The following APPBP2 variants were observed in gnomAD, a reference collection of about 807,000 sequenced individuals.
APPBP2 encodes amyloid protein-binding protein 2.
A neutral mutation model predicts 76.0 loss-of-function variants in APPBP2; 15 were observed. The ratio of observed to expected loss-of-function variants is 0.20; its 90% CI spans 0.13 to 0.30. APPBP2 has a LOEUF of 0.30. APPBP2 is among the 10% of genes least tolerant of loss of function. The pLI, the probability that APPBP2 is intolerant of heterozygous loss-of-function variation, is 1.00. For synonymous variants in APPBP2, 222 were observed against 242.2 expected (o/e 0.92, Z 0.77); for missense variants, 401 against 687.2 (o/e 0.58, Z 4.66).
At chr17:60,480,464 A>G (rs2090620439) in intron 3 of APPBP2, among the ~76,000 whole-genome samples, 1 of 152,210 alleles carries the variant, frequency 6.6e-6, no homozygotes, top group Admixed American at 6.5e-5. Context: ...TTGGCACACA[A>G]AAAATATGGT....
Position 60,446,571 on chromosome 17 carries a change from A to T in APPBP2, c.*1010T>A, listed in dbSNP as rs2090348681. 1 of 152,194 alleles carries T rather than the reference A, an allele frequency of 6.6e-6. No individual in the cohort carries two copies. The highest frequency in any genetic ancestry group is 2.4e-5 in the African/African-American group (1 of 41,454). The allele number at this position is 152,194 out of a possible 1,614,324, so 9.4% of individuals were successfully genotyped here. A position where few individuals can be genotyped will look rare whatever the true frequency, so the allele number is the denominator to read the frequency against. On this transcript the variant is annotated 3_prime_UTR_variant, in exon 13 of 13. Transcript: ENST00000083182. ...AACTATTTCATGACACACAGCCAATATACTTGTTAACTGCATTGATTATTA... is the reference window on the plus strand; with the variant it reads ...AACTATTTCATGACACACAGCCAATTTACTTGTTAACTGCATTGATTATTA...
chr17:60,449,754 A>C (rs1207735199), intron 12 of APPBP2, among the ~76,000 whole-genome samples: 1 of 152,074 alleles, frequency 6.6e-6, no homozygotes, highest in Non-Finnish European at 1.5e-5. Context: ...CCTGAAGATA[A>C]TTTTCTAGAA....
chr17:60,524,381 G>A (rs1788382613), intron 1 of APPBP2, among the ~76,000 whole-genome samples: 1 of 152,038 alleles, frequency 6.6e-6, no homozygotes. Flanking sequence ...TCCTTCCTGG[G>A]GAGGAATGTA....
chr17:60,521,952 T>C (rs1441476168), intron 1 of APPBP2, among the ~76,000 whole-genome samples: 2 of 152,184 alleles, frequency 1.3e-5, no homozygotes, highest in African/African-American at 2.4e-5. Flanking sequence ...TAAAGTAACA[T>C]GCTATATGAG....
At chr17:60,484,759 A>G (rs1355855468) in intron 3 of APPBP2, among the ~76,000 whole-genome samples, 1 of 152,126 alleles carries the variant, frequency 6.6e-6, no homozygotes, top group African/African-American at 2.4e-5. Context: ...TTCCAACACT[A>G]TGTTGAATAG....
chr17:60,519,664 T>TA (rs1266808095), intron 1 of APPBP2, among the ~76,000 whole-genome samples: 1 of 151,576 alleles, frequency 6.6e-6, no homozygotes, highest in Non-Finnish European at 1.5e-5. Flanking sequence ...ACTTGTCTCT[T>TA]AAAAAAGAAA....
intron 11 of APPBP2, 49 bp from the exon 12 acceptor site, chr17:60,452,094 A>C (rs1444775897): frequency 5.7e-6 from 9 of 1,577,078 alleles, no homozygotes; most frequent in Non-Finnish European, 6.9e-6. Context: ...TCTCATCTTA[A>C]CAGTTCTTAC....
intron 1 of APPBP2, among the ~76,000 whole-genome samples, chr17:60,513,985 T>A: frequency 7.0e-6 from 1 of 143,528 alleles, no homozygotes. Flanking sequence ...CATATACATA[T>A]TTTCCCCACA....
chr17:60,518,631 G>A (rs1395620129), intron 1 of APPBP2, among the ~76,000 whole-genome samples: 3 of 152,024 alleles, frequency 2.0e-5, no homozygotes, highest in African/African-American at 7.2e-5. Context: ...ATCCTCCTGA[G>A]TAGCTGGGAC....
intron 1 of APPBP2, among the ~76,000 whole-genome samples, chr17:60,507,919 C>G (rs2090881563): frequency 6.6e-6 from 1 of 151,964 alleles, no homozygotes; most frequent in South Asian, 2.1e-4. Context: ...TCCCAAGTAG[C>G]TACAACTAAA....
chr17:60,502,759 G>GA (rs1491096523), intron 1 of APPBP2, among the ~76,000 whole-genome samples: 1 of 145,856 alleles, frequency 6.9e-6, no homozygotes, highest in Non-Finnish European at 1.5e-5. Context: ...GGGAGGCTGG[G>GA]AGAGAATCGC....
chr17:60,466,231 T>C (rs966400629), intron 5 of APPBP2, 60 bp downstream of exon 5: 1 of 1,468,410 alleles, frequency 6.8e-7, no homozygotes, highest in African/African-American at 1.4e-5. Context: ...ACTATTTGAT[T>C]TACCCTCTGT....
chr17:60,518,358 CGTGTGTGTGTGTGTGTGTGT>C (rs59428194), intron 1 of APPBP2, among the ~76,000 whole-genome samples: 4 of 89,098 alleles, frequency 4.5e-5, no homozygotes, highest in Admixed American at 2.3e-4. Flanking sequence ...TGTGTGCGTG[CGTGTGTGTGTGTGTGTGTGT>C]GTGTGTGTGT....
chr17:60,518,271 T>C (rs1488353416), intron 1 of APPBP2, among the ~76,000 whole-genome samples: 1 of 152,088 alleles, frequency 6.6e-6, no homozygotes, highest in Non-Finnish European at 1.5e-5. Flanking sequence ...AGTCTTGAAC[T>C]CTTAGGCTTA....
chr17:60,481,042 C>G (rs569173763), intron 3 of APPBP2, among the ~76,000 whole-genome samples: 1 of 152,338 alleles, frequency 6.6e-6, no homozygotes, highest in Non-Finnish European at 1.5e-5. Context: ...CAATAGCCAT[C>G]CAGGTTGCTC....
At chr17:60,497,646 C>CA (rs2090787477) in intron 2 of APPBP2, among the ~76,000 whole-genome samples, 1 of 151,890 alleles carries the variant, frequency 6.6e-6, no homozygotes, top group Admixed American at 6.6e-5. Context: ...TATGTACCCC[C>CA]AAAAACTTAA....
intron 1 of APPBP2, among the ~76,000 whole-genome samples, chr17:60,510,893 C>A (rs1406741442): frequency 6.6e-6 from 1 of 152,142 alleles, no homozygotes; most frequent in Non-Finnish European, 1.5e-5. Flanking sequence ...CTTAAATATG[C>A]TGTCCATTTA....
chr17:60,451,428 C>T (rs191160887), intron 12 of APPBP2, among the ~76,000 whole-genome samples: 30 of 152,044 alleles, frequency 2.0e-4, no homozygotes, highest in African/African-American at 7.2e-4. Context: ...GCAACTTATC[C>T]CATTTAAATC....
Position 60,447,834 on chromosome 17 carries a change from C to A in APPBP2, c.1505G>T (p.Gly502Val). The A allele has an allele frequency of 6.4e-7, 1 of 1,552,944 alleles. No individual in the cohort carries two copies. The highest frequency in any genetic ancestry group is 1.2e-5 in the South Asian group (1 of 82,954). ...GTAGCCCTCACCAAAAAGTTTCTTCCCTGTAACAAAAAAGAAAAAGGAAAA... is the reference window on the plus strand; with the variant it reads ...GTAGCCCTCACCAAAAAGTTTCTTCACTGTAACAAAAAAGAAAAAGGAAAA... ...EKLYLRSIAI[G>V]KKLFGEGYSG... is the part of the protein sequence containing the mutation. The change falls in exon 13 of 13, where the codon GGG becomes GTG. Residue 502 changes from glycine to valine, a missense_variant and splice_region_variant. This residue lies in a region of APPBP2 where 130 missense variants were observed against 322.7 expected (regional missense o/e 0.40). Transcript: ENST00000083182.
Sources: gnomAD v4.1 joint callset for allele counts (sites outside exome capture counted in the v4.1 genomes callset) on GRCh38, gnomAD v4.1.1 for gene constraint, gnomAD v4.1.1 regional missense constraint, MANE v1.5 for transcripts, NCBI Gene and HGNC (gene_info 2026-07-23, HGNC 2026-07-21) for gene names.